Variants in JAKMIP1 observed in about 807,000 individuals in gnomAD.
JAKMIP1 encodes janus kinase and microtubule-interacting protein 1.
JAKMIP1 carries 33 observed loss-of-function variants against 113.0 expected under a neutral mutation model. The ratio of observed to expected loss-of-function variants is 0.29; its 90% CI spans 0.22 to 0.39. The LOEUF (loss-of-function observed/expected upper bound fraction) is 0.39, where lower values mean the gene tolerates loss of function less well. Ranked by LOEUF, JAKMIP1 falls within the 10% of genes least tolerant of loss-of-function variation. JAKMIP1 has a pLI of 1.00. For missense variants in JAKMIP1, 813 were observed against 1,080.5 expected (o/e 0.75, Z 3.47); for synonymous variants, 480 against 459.9 (o/e 1.04, Z -0.56).
Position 6,141,310 on chromosome 4 carries a change from T to A in JAKMIP1, c.-147-28313A>T, listed in dbSNP as rs976764056. 2.6e-5 allele frequency among the ~76,000 whole-genome samples: 4 copies of A among 151,896 alleles called. No homozygotes were observed. The highest frequency in any genetic ancestry group is 9.7e-5 in the African/African-American group (4 of 41,300). On this transcript the variant is annotated intron_variant, in intron 1 of 20. Transcript: ENST00000409021. The surrounding 1 kb of genome is among the most constrained non-coding windows in gnomAD (Gnocchi z 9.4). ...AATTAGCCAGGGGTGGTGGCGCGCA[T>A]CTGTAATCCCAGCTACTTGACAGGC... is the stretch of plus-strand genomic sequence containing the variant.
rs3924571 is a variant in JAKMIP1, at chr4:6,153,613, G to A, written c.-147-40616C>T. 0.02 allele frequency among the ~76,000 whole-genome samples: 3,121 copies of A among 152,264 alleles called. 52 individuals carry two copies. Among genetic ancestry groups the A allele is most frequent in the Admixed American group, 0.053 (818 of 15,298 alleles). On this transcript the variant is annotated intron_variant, in intron 1 of 20. Coordinates refer to ENST00000409021, the MANE Select transcript of JAKMIP1 (RefSeq NM_001099433.2). The surrounding 1 kb of genome is among the most constrained non-coding windows in gnomAD (Gnocchi z 4.9). ...AGCCCTGACAATCTGGAGAGAGAACGTTTTGTGGAAGGCCATCATGTTCCC... is the reference window on the plus strand; with the variant it reads ...AGCCCTGACAATCTGGAGAGAGAACATTTTGTGGAAGGCCATCATGTTCCC...
chr4:6,032,531 G>A (rs1022732956), intron 19 of JAKMIP1, among the ~76,000 whole-genome samples: 6 of 152,254 alleles, frequency 3.9e-5, no homozygotes, highest in Admixed American at 3.3e-4. Context: ...CAAAGGACTC[G>A]TGTGAGTTTC....
In JAKMIP1 at chr4:6,132,339, G is replaced by A. The variant is rs867316156; in HGVS notation, c.-147-19342C>T. Reference sequence around the variant, plus strand: ...GTTCAGAAGGACAGAGCATGGAAATGTTATTAAAACCACAGAAGGCAGCTG... The same window carrying A: ...GTTCAGAAGGACAGAGCATGGAAATATTATTAAAACCACAGAAGGCAGCTG... On this transcript the variant is annotated intron_variant, in intron 1 of 20. Coordinates refer to ENST00000409021, the MANE Select transcript of JAKMIP1 (RefSeq NM_001099433.2). Among the ~76,000 whole-genome samples the A allele has an allele frequency of 1.6e-4, 25 of 152,290 alleles. No individual in the cohort carries two copies. In the Middle Eastern group the frequency reaches 0.01, roughly 63 times the overall value.
chr4:6,177,624 T>C (rs1308060753), intron 1 of JAKMIP1, among the ~76,000 whole-genome samples: 1 of 152,186 alleles, frequency 6.6e-6, no homozygotes, highest in Non-Finnish European at 1.5e-5. Context: ...GAGGCTGTTG[T>C]GTGGATTAAA....
chr4:6,125,169 C>T (rs557757915), intron 1 of JAKMIP1, among the ~76,000 whole-genome samples: 2 of 152,072 alleles, frequency 1.3e-5, no homozygotes, highest in African/African-American at 2.4e-5. Flanking sequence ...GGTGTGTGTG[C>T]CACCCCACAT....
chr4:6,091,736 A>G lies in JAKMIP1; in HGVS notation c.625-6107T>C, dbSNP rs77635136. Among the ~76,000 whole-genome samples, 579 of 152,354 alleles carry G rather than the reference A, an allele frequency of 3.8e-3. 3 individuals are homozygous for G. The highest frequency in any genetic ancestry group is 6.3e-3 in the Non-Finnish European group (427 of 68,034). On this transcript the variant is annotated intron_variant, in intron 3 of 20. Coordinates refer to ENST00000409021, the MANE Select transcript of JAKMIP1 (RefSeq NM_001099433.2). ...GAGGACTCAGTATTGGTGTGCTTGCACTGTCTATAAATCAGAAATTTTAAA... is the reference window on the plus strand; with the variant it reads ...GAGGACTCAGTATTGGTGTGCTTGCGCTGTCTATAAATCAGAAATTTTAAA...
intron 1 of JAKMIP1, among the ~76,000 whole-genome samples, chr4:6,121,900 C>T (rs1030537172): frequency 1.3e-5 from 2 of 152,196 alleles, no homozygotes; most frequent in African/African-American, 4.8e-5. Context: ...AGGTTTGCCA[C>T]CTATTAAATG....
rs903647702 is a variant in JAKMIP1, at chr4:6,199,978, G to C, written c.-148+275C>G. Among the ~76,000 whole-genome samples the C allele has an allele frequency of 1.3e-5, 2 of 150,428 alleles. No individual in the cohort carries two copies. The highest frequency in any genetic ancestry group is 4.9e-5 in the African/African-American group (2 of 40,886). ...GGGGGCGGGACCGGGAGGGGGTGTT[G>C]GGGGAAGCGACGCAGCGGCTGGGAG... On this transcript the variant is annotated intron_variant, in intron 1 of 20. Transcript: ENST00000409021. This position sits in a 1 kb window ranked among gnomAD's most constrained non-coding sequence, Gnocchi z 5.6.
rs1016178907 is a variant in JAKMIP1 at position 6,110,050 on chromosome 4, G to T, written c.129+2672C>A. ...AACAGGGAGGCCCAGCCTGGGGTCCGCATGGGCCTGGCTTTCAATCCTGCA... is the reference window on the plus strand; with the variant it reads ...AACAGGGAGGCCCAGCCTGGGGTCCTCATGGGCCTGGCTTTCAATCCTGCA... On this transcript the variant is annotated intron_variant, in intron 2 of 20. Transcript: ENST00000409021. Among the ~76,000 whole-genome samples the T allele has an allele frequency of 4.6e-5, 7 of 152,154 alleles. No homozygotes were observed. The East Asian group carries it at 1.2e-3, about 25-fold the overall frequency.
rs1220276166 is a variant in JAKMIP1, at chr4:6,167,130, G to A, written c.-148+33123C>T. On this transcript the variant is annotated intron_variant, in intron 1 of 20. Transcript: ENST00000409021. The surrounding 1 kb of genome is among the most constrained non-coding windows in gnomAD (Gnocchi z 5.3). The stretch of plus-strand genomic sequence containing the variant: ...ATTATTAAAATTCTTGAAATCCATC[G>A]TCTTCCCCTAGACCTGCTCCTCCTT... Among the ~76,000 whole-genome samples, 4 of 152,044 alleles carry A rather than the reference G, an allele frequency of 2.6e-5. No individual in the cohort carries two copies. Among genetic ancestry groups the A allele is most frequent in the Admixed American group, 2.0e-4 (3 of 15,266 alleles).
In JAKMIP1 at chr4:6,183,271, G is replaced by A. The variant is rs1305344608; in HGVS notation, c.-148+16982C>T. ...AGGCAGGCGCATCACCTGAGGTCAG[G>A]AGTTTGAGACCAGTCTGGCCAACAT... On this transcript the variant is annotated intron_variant, in intron 1 of 20. Transcript: ENST00000409021. The surrounding 1 kb of genome is among the most constrained non-coding windows in gnomAD (Gnocchi z 5.3). Among the ~76,000 whole-genome samples the A allele has an allele frequency of 6.6e-6, 1 of 152,080 alleles. No homozygotes were observed. The highest frequency in any genetic ancestry group is 1.5e-5 in the Non-Finnish European group (1 of 68,014).
rs1207033520 is a variant in JAKMIP1 at position 6,193,586 on chromosome 4, C to T, written c.-148+6667G>A. Among the ~76,000 whole-genome samples the T allele has an allele frequency of 6.6e-6, 1 of 152,194 alleles. No individual in the cohort carries two copies. ...AAAGAAAGGCAGCCAGGGCTCCCTG[C>T]GCTGTGCCAGCTGCCTCTCTGGGGC... On this transcript the variant is annotated intron_variant, in intron 1 of 20. Coordinates refer to ENST00000409021, the MANE Select transcript of JAKMIP1 (RefSeq NM_001099433.2). This position sits in a 1 kb window ranked among gnomAD's most constrained non-coding sequence, Gnocchi z 6.4.
rs201784962 is a variant in JAKMIP1 at position 6,169,603 on chromosome 4, T to TGTGTGTGTGTGTG, written c.-148+30649_-148+30650insCACACACACACAC. 4.6e-3 allele frequency among the ~76,000 whole-genome samples: 626 copies of TGTGTGTGTGTGTG among 137,366 alleles called. 7 individuals are homozygous for TGTGTGTGTGTGTG. The highest frequency in any genetic ancestry group is 0.021 in the Admixed American group (300 of 14,576). The allele number at this position is 137,366 out of a possible 152,430, so 90.1% of individuals were successfully genotyped here. A position where few individuals can be genotyped will look rare whatever the true frequency, so the allele number is the denominator to read the frequency against. ...AATTTGTTACACCAGCCCTAGGAAA[T>TGTGTGTGTGTGTG]TGTGTGTGTGTGTGTGTGTGTGTGT... is the stretch of plus-strand genomic sequence containing the variant. On this transcript the variant is annotated intron_variant, in intron 1 of 20. Transcript: ENST00000409021.
In JAKMIP1 at chr4:6,035,803, G is replaced by C. The variant is rs1578045250; in HGVS notation, c.2379+101C>G. The C allele has an allele frequency of 3.0e-6, 3 of 1,006,208 alleles. No individual in the cohort carries two copies. The East Asian group carries it at 8.0e-5, about 27-fold the overall frequency. 62.3% of individuals were successfully genotyped at this position (1,006,208 alleles called of 1,614,324 possible). A position where few individuals can be genotyped will look rare whatever the true frequency, so the allele number is the denominator to read the frequency against. ...CTTGCTTTACCACCAACTCTCCCTGGAATGAGCCTGGGGCACTCAGAGGCC... is the reference window on the plus strand; with the variant it reads ...CTTGCTTTACCACCAACTCTCCCTGCAATGAGCCTGGGGCACTCAGAGGCC... On this transcript the variant is annotated intron_variant, in intron 19 of 20. Transcript: ENST00000409021.
intron 2 of JAKMIP1, 121 bp downstream of exon 2, chr4:6,112,601 G>T: frequency 8.3e-7 from 1 of 1,209,186 alleles, no homozygotes; most frequent in Non-Finnish European, 1.2e-6. Context: ...GGGCAGAGAG[G>T]TGAAGTGCCC....
At position 6,078,974 on chromosome 4, in the gene JAKMIP1, T is replaced by G. The variant is rs1292205748; in HGVS notation, c.1267A>C (p.Lys423Gln). 1 of 1,614,210 alleles carries G rather than the reference T, an allele frequency of 6.2e-7. No homozygotes were observed. The highest frequency in any genetic ancestry group is 8.5e-7 in the Non-Finnish European group (1 of 1,180,034). Reference protein sequence around the residue: ...SLERERLLRSKRHRGKSLKPP... With the variant: ...SLERERLLRSQRHRGKSLKPP... ...TTCAGACTTTTCCCTCGATGCCTTT[T>G]GGAGCGCAACAGCCGTTCTCTCTCC... The change falls in exon 8 of 21, where the codon AAA becomes CAA. Residue 423 changes from lysine to glutamine, a missense_variant. Physicochemically the swap from Lys to Gln is moderately conservative, Grantham distance 53. Coordinates refer to ENST00000409021, the MANE Select transcript of JAKMIP1 (RefSeq NM_001099433.2).
At position 6,046,680 on chromosome 4, in the gene JAKMIP1, A is replaced by T. The variant is rs183652154; in HGVS notation, c.2028+2177T>A. ...GGCAGACAGTGGCCGGATCCCAGAC[A>T]GGTTCCACCTCCTCAGCTGTCCTAG... is the stretch of plus-strand genomic sequence containing the variant. On this transcript the variant is annotated intron_variant, in intron 16 of 20. Coordinates refer to ENST00000409021, the MANE Select transcript of JAKMIP1 (RefSeq NM_001099433.2). 3.3e-5 allele frequency among the ~76,000 whole-genome samples: 5 copies of T among 152,284 alleles called. No homozygotes were observed. The East Asian group carries it at 9.7e-4, about 29-fold the overall frequency.
At chr4:6,109,223 T>A (rs1433722641) in intron 2 of JAKMIP1, among the ~76,000 whole-genome samples, 1 of 149,696 alleles carries the variant, frequency 6.7e-6, no homozygotes, top group African/African-American at 2.5e-5. Flanking sequence ...GGCTCTGCCT[T>A]CCAGGTTCAC....
Position 6,106,907 on chromosome 4 carries a change from GT to G in JAKMIP1, c.130-941del. On this transcript the variant is annotated intron_variant, in intron 2 of 20. Coordinates refer to ENST00000409021, the MANE Select transcript of JAKMIP1 (RefSeq NM_001099433.2). This position sits in a 1 kb window ranked among gnomAD's most constrained non-coding sequence, Gnocchi z 5.9. ...AGCTGCTTCCAGGGAAAATGGCAAT[GT>G]TTTTCCCCAGACCACACTGTTGATA... is the stretch of plus-strand genomic sequence containing the variant. 6.6e-6 allele frequency among the ~76,000 whole-genome samples: 1 copy of G among 152,256 alleles called. No homozygotes were observed. The highest frequency in any genetic ancestry group is 2.4e-5 in the African/African-American group (1 of 41,548).
Sources: gnomAD v4.1 joint callset for allele counts (sites outside exome capture counted in the v4.1 genomes callset) on GRCh38, gnomAD v4.1.1 for gene constraint, Gnocchi (gnomAD v3.1) non-coding constraint, MANE v1.5 for transcripts, NCBI Gene and HGNC (gene_info 2026-07-23, HGNC 2026-07-21) for gene names.